TMED2: variants seen among roughly 807,000 people sequenced by gnomAD.
TMED2 encodes the protein transmembrane p24 trafficking protein 2, also known as transmembrane emp24 domain-containing protein 2.
TMED2 carries 3 observed loss-of-function variants against 17.5 expected under a neutral mutation model. The observed-to-expected ratio is 0.17, with a 90% CI of 0.08 to 0.44. The LOEUF (loss-of-function observed/expected upper bound fraction) is 0.44. Among genes scored for constraint, TMED2 ranks in the 20% least tolerant of loss-of-function variants. The probability of loss-of-function intolerance (pLI) is 0.99; values close to 1 mark genes in which losing one functional copy is unlikely to be tolerated. For missense variants in TMED2, 149 were observed against 254.8 expected (o/e 0.58, Z 2.83); for synonymous variants, 95 against 91.0 (o/e 1.04, Z -0.25).
At chr12:123,594,024 C>T (rs1953412216) in intron 3 of TMED2, among the ~76,000 whole-genome samples, 1 of 151,510 alleles carries the variant, frequency 6.6e-6, no homozygotes. Context: ...CAGGGTTGGC[C>T]TCTGACTCCT....
chr12:123,594,582 G>A (rs528029193), intron 3 of TMED2, among the ~76,000 whole-genome samples: 3 of 151,044 alleles, frequency 2.0e-5, no homozygotes, highest in East Asian at 2.0e-4. Flanking sequence ...ACACGAGACC[G>A]TTTTTAAAAA....
chr12:123,587,629 A>G (rs1171311490), intron 2 of TMED2: 2 of 1,280,504 alleles, frequency 1.6e-6, no homozygotes, highest in African/African-American at 3.1e-5. Flanking sequence ...GATACCTGGG[A>G]TGGTATGTGG....
At chr12:123,596,162 G>A (rs2135665402) in intron 3 of TMED2, among the ~76,000 whole-genome samples, 1 of 152,346 alleles carries the variant, frequency 6.6e-6, no homozygotes, top group South Asian at 2.1e-4. Flanking sequence ...AAGAAACTGA[G>A]CATCAAGTAC....
At chr12:123,587,603 T>A in intron 2 of TMED2, 1 of 1,279,036 alleles carries the variant, frequency 7.8e-7, no homozygotes, top group Non-Finnish European at 1.0e-6. Context: ...ATCTTAACTT[T>A]TCTTTAGGTG....
rs143043444 is a variant in TMED2 at position 123,598,457 on chromosome 12, G to A, written c.*1728G>A. On this transcript the variant is annotated 3_prime_UTR_variant, in exon 4 of 4. Coordinates refer to ENST00000262225, the MANE Select transcript of TMED2 (RefSeq NM_006815.4). ...AAATAGCTTCAAAGACAGATTAAAT[G>A]ATTTGCCCAAGGCCACAGAAAAGAG... 6.6e-6 allele frequency: 1 copy of A among 152,180 alleles called. No homozygotes were observed. The highest frequency in any genetic ancestry group is 2.1e-4 in the South Asian group (1 of 4,828). 9.4% of individuals were successfully genotyped at this position (152,180 alleles called of 1,614,324 possible). A position where few individuals can be genotyped will look rare whatever the true frequency, so the allele number is the denominator to read the frequency against.
rs1355695210 is a variant in TMED2 at position 123,586,866 on chromosome 12, C to A, written c.300C>A (p.Thr100=). 1.2e-6 allele frequency: 2 copies of A among 1,613,696 alleles called. No individual in the cohort carries two copies. The highest frequency in any genetic ancestry group is 2.2e-5 in the South Asian group (2 of 90,978). The part of the protein sequence containing the change: ...YKFCFSNRMS[T]MTPKIVMFTI... ...TTTGTTTTAGTAACCGGATGTCCACCATGACTCCAAAAATAGTGATGTTCA... is the reference window on the plus strand; with the variant it reads ...TTTGTTTTAGTAACCGGATGTCCACAATGACTCCAAAAATAGTGATGTTCA... The change falls in exon 2 of 4, where the codon ACC becomes ACA. Residue 100 remains threonine, a synonymous_variant. Coordinates refer to ENST00000262225, the MANE Select transcript of TMED2 (RefSeq NM_006815.4).
At chr12:123,594,871 G>A (rs1953419692) in intron 3 of TMED2, among the ~76,000 whole-genome samples, 1 of 147,724 alleles carries the variant, frequency 6.8e-6, no homozygotes, top group African/African-American at 2.5e-5. Context: ...TGGGCAACAA[G>A]AGTGAAACTC....
rs551582451 is a variant in TMED2 at position 123,594,621 on chromosome 12, C to T, written c.482-1984C>T. ...AAAATAAATTGGCCAGGCGTGATGG[C>T]TCATGCCTATAATCCCAGCACTTTG... is the stretch of plus-strand genomic sequence containing the variant. On this transcript the variant is annotated intron_variant, in intron 3 of 3. Coordinates refer to ENST00000262225, the MANE Select transcript of TMED2 (RefSeq NM_006815.4). Among the ~76,000 whole-genome samples, 214 of 152,130 alleles carry T rather than the reference C, an allele frequency of 1.4e-3. 1 individual carries two copies. The highest frequency in any genetic ancestry group is 2.3e-3 in the Non-Finnish European group (156 of 68,010).
intron 3 of TMED2, among the ~76,000 whole-genome samples, chr12:123,591,279 G>A (rs1336834466): frequency 6.6e-6 from 1 of 152,146 alleles, no homozygotes; most frequent in Admixed American, 6.6e-5. Flanking sequence ...TTGGGAATTT[G>A]GAATGTATTT....
rs530936678 is a variant in TMED2 at position 123,590,236 on chromosome 12, T to C, written c.374-106T>C. On this transcript the variant is annotated intron_variant, in intron 2 of 3. Transcript: ENST00000262225. ...AGGCAGAGGTTGCAGTGAGCTGAGA[T>C]TGAGCACCACTGCACTCCAGCCTGG... 1.2e-4 allele frequency: 91 copies of C among 765,966 alleles called. 1 individual carries two copies. In the African/African-American group the frequency reaches 1.6e-3, roughly 13 times the overall value. 47.4% of individuals were successfully genotyped at this position (765,966 alleles called of 1,614,324 possible).
Position 123,596,921 on chromosome 12 carries a change from G to T in TMED2, c.*192G>T. On this transcript the variant is annotated 3_prime_UTR_variant, in exon 4 of 4. Coordinates refer to ENST00000262225, the MANE Select transcript of TMED2 (RefSeq NM_006815.4). The stretch of plus-strand genomic sequence containing the variant: ...TATAGTGAAAATTTGACAGTTGATT[G>T]GCATAATTTCTTGTTTGAATGCTGC... The T allele has an allele frequency of 3.6e-6, 2 of 560,696 alleles. No individual in the cohort carries two copies. Among genetic ancestry groups the T allele is most frequent in the South Asian group, 4.1e-5 (1 of 24,134 alleles). 34.7% of individuals were successfully genotyped at this position (560,696 alleles called of 1,614,324 possible).
intron 3 of TMED2, among the ~76,000 whole-genome samples, chr12:123,591,374 T>C (rs66494087): frequency 0.2 from 30,595 of 152,134 alleles, 3,527 homozygotes; most frequent in Middle Eastern, 0.29. Context: ...AAATGAAGCT[T>C]TTGCATTTAA....
chr12:123,590,220 T>C, intron 2 of TMED2, 122 bp from the exon 3 acceptor site: 1 of 601,232 alleles, frequency 1.7e-6, no homozygotes, highest in Admixed American at 3.6e-5. Context: ...GAGGCAGAGG[T>C]TGCAGTGAGC....
chr12:123,585,013 C>A (rs539906976), intron 1 of TMED2, 197 bp downstream of exon 1: 1 of 657,068 alleles, frequency 1.5e-6, no homozygotes. Flanking sequence ...CGCGACTTGC[C>A]TGGGTTCCGG....
intron 3 of TMED2, among the ~76,000 whole-genome samples, chr12:123,592,062 C>CT (rs2135662909): frequency 6.6e-6 from 1 of 152,344 alleles, no homozygotes; most frequent in South Asian, 2.1e-4. Flanking sequence ...GCACAGACAT[C>CT]AGCTTGTGTT....
chr12:123,587,564 C>G, intron 2 of TMED2: 1 of 1,259,630 alleles, frequency 7.9e-7, no homozygotes, highest in Non-Finnish European at 1.0e-6. Flanking sequence ...TTTAGCTAAA[C>G]TTTTTGTTGG....
Position 123,586,781 on chromosome 12 carries a change from G to A in TMED2, c.215G>A (p.Gly72Glu), listed in dbSNP as rs773789317. 2.5e-6 allele frequency: 4 copies of A among 1,607,784 alleles called. No individual in the cohort carries two copies. The highest frequency in any genetic ancestry group is 1.3e-5 in the African/African-American group (1 of 74,674). Residue 72 changes from glycine (G) to glutamate (E), a missense_variant, in exon 2 of 4, where the codon GGA becomes GAA. Coordinates refer to ENST00000262225, the MANE Select transcript of TMED2 (RefSeq NM_006815.4). ...TGPDNKGIYK[G>E]DRESSGKYTF... ...CCAGATAACAAAGGAATTTACAAAG[G>A]AGACAGAGAATCCAGTGGGAAATAC... is the stretch of plus-strand genomic sequence containing the variant.
Position 123,598,364 on chromosome 12 carries a change from A to T in TMED2, c.*1635A>T, listed in dbSNP as rs1953446819. On this transcript the variant is annotated 3_prime_UTR_variant, in exon 4 of 4. Coordinates refer to ENST00000262225, the MANE Select transcript of TMED2 (RefSeq NM_006815.4). Reference sequence around the variant, plus strand: ...CTGATGGATCAGTGCTAAAATCTTAAGTATTTTTCTATTTGGGAAAAAAGG... The same window carrying T: ...CTGATGGATCAGTGCTAAAATCTTATGTATTTTTCTATTTGGGAAAAAAGG... 6.6e-6 allele frequency: 1 copy of T among 152,224 alleles called. No homozygotes were observed. Among genetic ancestry groups the T allele is most frequent in the Admixed American group, 6.5e-5 (1 of 15,280 alleles). The allele number at this position is 152,224 out of a possible 1,614,324, so 9.4% of individuals were successfully genotyped here.
intron 3 of TMED2, among the ~76,000 whole-genome samples, chr12:123,594,390 T>G (rs1372469648): frequency 6.6e-6 from 1 of 151,828 alleles, no homozygotes; most frequent in African/African-American, 2.4e-5. Flanking sequence ...CGCCTCGACC[T>G]CACAAAGTGC....
Sources: allele counts gnomAD v4.1 joint callset (sites outside exome capture counted in the v4.1 genomes callset), GRCh38; gene constraint gnomAD v4.1.1; transcripts MANE v1.5; gene names NCBI Gene and HGNC (gene_info 2026-07-23, HGNC 2026-07-21).